NTRK3: variants seen among roughly 807,000 people sequenced by gnomAD.
NTRK3 encodes the protein NT-3 growth factor receptor.
A neutral mutation model predicts 91.7 loss-of-function variants in NTRK3; 24 were observed. That is an observed-to-expected ratio of 0.26 (90% confidence interval 0.19 to 0.37). The LOEUF (loss-of-function observed/expected upper bound fraction) is 0.37, where lower values mean the gene tolerates loss of function less well. NTRK3 is among the 10% of genes least tolerant of loss of function. The probability of loss-of-function intolerance (pLI) is 1.00; values close to 1 mark genes in which losing one functional copy is unlikely to be tolerated. For missense variants in NTRK3, 880 were observed against 1,068.9 expected (o/e 0.82, Z 2.46); for synonymous variants, 483 against 404.0 (o/e 1.20, Z -2.34).
intron 14 of NTRK3, chr15:87,977,897 G>A (rs1005460674): frequency 2.6e-5 from 6 of 232,530 alleles, no homozygotes; most frequent in Admixed American, 5.6e-5. Flanking sequence ...AGTTAAATTT[G>A]CCAAAGGCAT....
rs550570324 is a variant in NTRK3, at chr15:88,032,798, G to T, written c.1585+59C>A. On this transcript the variant is annotated intron_variant, in intron 14 of 18. Coordinates refer to ENST00000394480, the Ensembl canonical transcript of NTRK3. ...AAGGTTCCAGAACCCCAGGTACATG[G>T]TCTATCACCAACCACCCTCCCCTCC... The T allele has an allele frequency of 1.4e-5, 22 of 1,591,518 alleles. 1 individual carries two copies. In the Admixed American group the frequency reaches 1.9e-4, roughly 13 times the overall value.
At chr15:88,110,309 C>T (rs1268175016) in intron 13 of NTRK3, among the ~76,000 whole-genome samples, 1 of 152,188 alleles carries the variant, frequency 6.6e-6, no homozygotes, top group East Asian at 1.9e-4. Flanking sequence ...CTAGCGTCTT[C>T]CTGTCTGCAG....
intron 13 of NTRK3, among the ~76,000 whole-genome samples, chr15:88,054,742 TG>T (rs1259662104): frequency 6.6e-6 from 1 of 152,098 alleles, no homozygotes; most frequent in Non-Finnish European, 1.5e-5. Flanking sequence ...TCCTAGCTTC[TG>T]AAAATATTGA....
At chr15:87,977,080 T>C (rs184348729) in intron 14 of NTRK3, among the ~76,000 whole-genome samples, 6 of 152,328 alleles carry the variant, frequency 3.9e-5, no homozygotes, top group Non-Finnish European at 7.3e-5. Flanking sequence ...TGCTTTCACC[T>C]CTCACACTGT....
intron 5 of NTRK3, among the ~76,000 whole-genome samples, chr15:88,161,389 G>A (rs772403423): frequency 1.3e-4 from 20 of 152,140 alleles, no homozygotes; most frequent in Non-Finnish European, 2.8e-4. Context: ...TTAGCAGGAG[G>A]GGCTACGTTA....
At chr15:87,902,174 T>A (rs879484817) in intron 17 of NTRK3, among the ~76,000 whole-genome samples, 1 of 152,222 alleles carries the variant, frequency 6.6e-6, no homozygotes, top group Non-Finnish European at 1.5e-5. Context: ...AATATCTATG[T>A]TCCTCCATAG....
intron 5 of NTRK3, among the ~76,000 whole-genome samples, chr15:88,176,133 CTTCT>C (rs1244137038): frequency 5.2e-5 from 6 of 115,648 alleles, no homozygotes; most frequent in South Asian, 3.0e-4. Context: ...CTATATGCCC[CTTCT>C]TTTTTTTTTT....
chr15:87,888,340 T>C (rs987748660), intron 17 of NTRK3, among the ~76,000 whole-genome samples: 3 of 152,170 alleles, frequency 2.0e-5, no homozygotes, highest in Admixed American at 1.3e-4. Context: ...AAAATTCCTT[T>C]TATACCCAGA....
chr15:87,944,873 C>T (rs193160505), intron 14 of NTRK3, among the ~76,000 whole-genome samples: 5 of 152,348 alleles, frequency 3.3e-5, no homozygotes, highest in Non-Finnish European at 7.3e-5. Context: ...TCACTTCTGA[C>T]GTCCACGCGT....
intron 3 of NTRK3, among the ~76,000 whole-genome samples, chr15:88,223,966 T>G (rs1354795331): frequency 2.0e-5 from 3 of 151,706 alleles, no homozygotes; most frequent in African/African-American, 4.8e-5. Context: ...CCAGAGGGAG[T>G]TGCAGAGTTA....
At chr15:87,959,287 C>T (rs1376022834) in intron 14 of NTRK3, among the ~76,000 whole-genome samples, 1 of 152,172 alleles carries the variant, frequency 6.6e-6, no homozygotes, top group Non-Finnish European at 1.5e-5. Flanking sequence ...AGTGCTGTAC[C>T]CAGCACCTCC....
chr15:87,916,424 A>G (rs2067449570), intron 17 of NTRK3: 1 of 682,502 alleles, frequency 1.5e-6, no homozygotes, highest in African/African-American at 1.8e-5. Flanking sequence ...CACCAGATTC[A>G]ATGGTCTCCT....
At chr15:88,006,830 C>T (rs573463489) in intron 14 of NTRK3, among the ~76,000 whole-genome samples, 11 of 152,260 alleles carry the variant, frequency 7.2e-5, no homozygotes, top group Admixed American at 1.3e-4. Flanking sequence ...CAGCCCATGA[C>T]GGCTAGTTTC....
chr15:87,953,279 A>G (rs1338982396), intron 14 of NTRK3, among the ~76,000 whole-genome samples: 1 of 152,180 alleles, frequency 6.6e-6, no homozygotes, highest in African/African-American at 2.4e-5. Context: ...GGGGTCTTGG[A>G]TCAGGTCCAT....
rs77623785 is a variant in NTRK3 at position 87,876,449 on chromosome 15, C to T, written c.*486G>A. The T allele has an allele frequency of 5.1e-3, 1,163 of 228,300 alleles. 20 individuals carry two copies. The highest frequency in any genetic ancestry group is 0.025 in the East Asian group (403 of 15,934). The allele number at this position is 228,300 out of a possible 1,614,324, so 14.1% of individuals were successfully genotyped here. A position where few individuals can be genotyped will look rare whatever the true frequency, so the allele number is the denominator to read the frequency against. On this transcript the variant is annotated 3_prime_UTR_variant, in exon 19 of 19. Transcript: ENST00000394480. ...CCGGGGTAACAGACACACACAGCAG[C>T]GACTGAGCACCACCTTAACTCCTCC...
At position 88,147,320 on chromosome 15, in the gene NTRK3, C is replaced by CA; in HGVS notation, c.464+14dup. 6.2e-7 allele frequency: 1 copy of CA among 1,612,956 alleles called. No homozygotes were observed. Among genetic ancestry groups the CA allele is most frequent in the Non-Finnish European group, 8.5e-7 (1 of 1,179,114 alleles). On this transcript the variant is annotated intron_variant, in intron 6 of 18. Transcript: ENST00000394480. ...AGCACTTCAGTACCTGGACAGTCTT[C>CA]AAAACCAAACTTACAATTCCCGAAG...
chr15:88,234,381 C>A lies in NTRK3; in HGVS notation c.248+21525G>T, dbSNP rs1164041984. 6.6e-6 allele frequency among the ~76,000 whole-genome samples: 1 copy of A among 152,154 alleles called. No homozygotes were observed. The highest frequency in any genetic ancestry group is 1.5e-5 in the Non-Finnish European group (1 of 68,032). ...CTGGAAAGACAAAGATAAGCTGGAC[C>A]AAACACCAGCCATCATTATAAGAAG... On this transcript the variant is annotated intron_variant, in intron 3 of 18. Coordinates refer to ENST00000394480, the Ensembl canonical transcript of NTRK3. The surrounding 1 kb of genome is among the most constrained non-coding windows in gnomAD (Gnocchi z 6.1).
At chr15:87,899,026 C>G (rs542131703) in intron 17 of NTRK3, among the ~76,000 whole-genome samples, 1 of 152,198 alleles carries the variant, frequency 6.6e-6, no homozygotes, top group South Asian at 2.1e-4. Flanking sequence ...CTAATTGCAA[C>G]TGTTACTTAC....
chr15:88,036,422 T>TAA (rs35431872), intron 13 of NTRK3, among the ~76,000 whole-genome samples: 1 of 142,240 alleles, frequency 7.0e-6, no homozygotes. Context: ...AATCTACACC[T>TAA]AAAAAAAAAA....
Sources: gnomAD v4.1 joint callset for allele counts (sites outside exome capture counted in the v4.1 genomes callset) on GRCh38, gnomAD v4.1.1 for gene constraint, Gnocchi (gnomAD v3.1) non-coding constraint, MANE v1.5 for transcripts, NCBI Gene and HGNC (gene_info 2026-07-23, HGNC 2026-07-21) for gene names.